ABCA12: variants seen among roughly 807,000 people sequenced by gnomAD.
ABCA12 encodes glucosylceramide transporter ABCA12.
Under a neutral mutation model 293.5 loss-of-function variants are expected in ABCA12, and 156 were observed. The observed-to-expected ratio is 0.53, with a 90% confidence interval of 0.47 to 0.61. The LOEUF (loss-of-function observed/expected upper bound fraction) is 0.61, where lower values mean the gene tolerates loss of function less well. Among genes scored for constraint, ABCA12 ranks in the 20% least tolerant of loss-of-function variants. ABCA12 has a pLI of 0.00. For synonymous variants in ABCA12, 1,063 were observed against 1,108.0 expected (o/e 0.96, Z 0.81); for missense variants, 2,797 against 3,090.2 (o/e 0.91, Z 2.25).
chr2:215,049,533 A>G, intron 6 of ABCA12, 93 bp downstream of exon 6: 2 of 1,279,876 alleles, frequency 1.6e-6, no homozygotes, highest in Non-Finnish European at 2.3e-6. Flanking sequence ...AGGTAAACAA[A>G]TATCCCAGTC....
At chr2:215,073,311 C>G (rs967674164) in intron 2 of ABCA12, among the ~76,000 whole-genome samples, 17 of 152,044 alleles carry the variant, frequency 1.1e-4, no homozygotes, top group Admixed American at 2.0e-4. Flanking sequence ...ACTATTTTTC[C>G]CCTCTAAATA....
At chr2:214,977,182 C>A (rs1286113411) in intron 33 of ABCA12, among the ~76,000 whole-genome samples, 1 of 152,164 alleles carries the variant, frequency 6.6e-6, no homozygotes, top group Non-Finnish European at 1.5e-5. Context: ...GGATGACTTA[C>A]AGGTGTATCA....
At chr2:214,992,512 T>C (rs1231926828) in intron 23 of ABCA12, among the ~76,000 whole-genome samples, 1 of 113,220 alleles carries the variant, frequency 8.8e-6, no homozygotes, top group Admixed American at 1.0e-4. Context: ...ATCAACCTAG[T>C]ATCCCCCCCC....
Position 215,025,653 on chromosome 2 carries a change from T to C in ABCA12, c.1287+20A>G, listed in dbSNP as rs772421663. 4 of 1,524,312 alleles carry C rather than the reference T, an allele frequency of 2.6e-6. No homozygotes were observed. Among genetic ancestry groups the C allele is most frequent in the African/African-American group, 1.4e-5 (1 of 71,392 alleles). 94.4% of individuals were successfully genotyped at this position (1,524,312 alleles called of 1,614,324 possible). On this transcript the variant is annotated intron_variant, in intron 11 of 52. Transcript: ENST00000272895. The stretch of plus-strand genomic sequence containing the variant: ...GTTTTTTTTTTTGTTTTTTGTTTTT[T>C]TTTTACTTTCATGGCTTACTTTTGA...
At chr2:215,037,131 A>G in intron 7 of ABCA12, 66 bp from the exon 8 acceptor site, 1 of 1,272,460 alleles carries the variant, frequency 7.9e-7, no homozygotes, top group Non-Finnish European at 1.1e-6. Context: ...ACAAAAGATT[A>G]TTCAAGGAGA....
chr2:215,092,729 C>A (rs1702172841), intron 2 of ABCA12, among the ~76,000 whole-genome samples: 1 of 152,268 alleles, frequency 6.6e-6, no homozygotes, highest in Admixed American at 6.5e-5. Flanking sequence ...GGATCTTCAC[C>A]TTATCAACCA....
In ABCA12 at chr2:215,026,303, T is replaced by C. The variant is rs181431436; in HGVS notation, c.1180+517A>G. On this transcript the variant is annotated intron_variant, in intron 10 of 52. Transcript: ENST00000272895. The stretch of plus-strand genomic sequence containing the variant: ...TCTTTTCTCTCAAAAAAAAGAAACA[T>C]TTGATTAAATATAATCTTTATGGTT... Among the ~76,000 whole-genome samples the C allele has an allele frequency of 3.9e-5, 6 of 152,308 alleles. No homozygotes were observed. In the East Asian group the frequency reaches 1.2e-3, roughly 29 times the overall value.
intron 1 of ABCA12, among the ~76,000 whole-genome samples, chr2:215,127,470 G>C (rs556112451): frequency 6.6e-6 from 1 of 152,086 alleles, no homozygotes; most frequent in African/African-American, 2.4e-5. Context: ...AAATTTGGGA[G>C]CTCCAGTGTT....
intron 11 of ABCA12, 64 bp from the exon 12 acceptor site, chr2:215,019,860 G>A: frequency 6.4e-7 from 1 of 1,568,298 alleles, no homozygotes; most frequent in East Asian, 2.2e-5. Flanking sequence ...TATAGTAGTT[G>A]ATAATAAGCA....
At chr2:215,103,740 C>A (rs1445642059) in intron 2 of ABCA12, among the ~76,000 whole-genome samples, 2 of 152,042 alleles carry the variant, frequency 1.3e-5, no homozygotes, top group Non-Finnish European at 2.9e-5. Context: ...ATAGCTCTTA[C>A]CATATAGCAG....
chr2:214,978,706 C>G (rs949717925), intron 32 of ABCA12, 98 bp downstream of exon 32: 24 of 1,364,250 alleles, frequency 1.8e-5, no homozygotes, highest in Middle Eastern at 2.2e-4. Context: ...ATTTTGTGAA[C>G]TATTTTAAAA....
rs1703217626 is a variant in ABCA12 at position 215,135,993 on chromosome 2, G to T, written c.69+2147C>A. Reference sequence around the variant, plus strand: ...TCCTTTTGCATCACCATCTTCTACAGGTCTCTCTTGTCCCTCTGGTTGGTT... The same window carrying T: ...TCCTTTTGCATCACCATCTTCTACATGTCTCTCTTGTCCCTCTGGTTGGTT... On this transcript the variant is annotated intron_variant, in intron 1 of 52. Transcript: ENST00000272895. 2.6e-5 allele frequency among the ~76,000 whole-genome samples: 4 copies of T among 152,098 alleles called. No homozygotes were observed. The South Asian group carries it at 8.3e-4, about 32-fold the overall frequency.
chr2:215,116,216 C>T (rs1171936065), intron 1 of ABCA12, among the ~76,000 whole-genome samples: 1 of 152,142 alleles, frequency 6.6e-6, no homozygotes, highest in Non-Finnish European at 1.5e-5. Context: ...TTTGTTTCTG[C>T]CTCATTGTGT....
In ABCA12 at chr2:214,974,789, G is replaced by C. The variant is rs1269551074; in HGVS notation, c.5457C>G (p.Asn1819Lys). Residue 1819 changes from asparagine (N) to lysine (K), a missense_variant, in exon 35 of 53, where the codon AAC (asparagine) becomes AAG (lysine). Physicochemically the swap from Asn to Lys is moderately conservative, Grantham distance 94. This residue lies in a region of ABCA12 where 2,130 missense variants were observed against 2,427.0 expected (regional missense o/e 0.88). Transcript: ENST00000272895. The stretch of plus-strand genomic sequence containing the variant: ...CAAGAACCACTTACAGATCACTGGT[G>C]TTCAGACACATGTTGTCAATTCCAG... ...DFPGIDNMCL[N>K]TSDLQCLNKD... 1.2e-6 allele frequency: 2 copies of C among 1,614,016 alleles called. No homozygotes were observed. The highest frequency in any genetic ancestry group is 1.7e-6 in the Non-Finnish European group (2 of 1,179,928).
chr2:215,119,128 G>A lies in ABCA12; in HGVS notation c.70-7438C>T, dbSNP rs1161224760. Among the ~76,000 whole-genome samples, 6 of 151,978 alleles carry A rather than the reference G, an allele frequency of 3.9e-5. 1 individual carries two copies. The highest frequency in any genetic ancestry group is 7.2e-5 in the African/African-American group (3 of 41,380). On this transcript the variant is annotated intron_variant, in intron 1 of 52. Transcript: ENST00000272895. The stretch of plus-strand genomic sequence containing the variant: ...TGGGATTACAGGCATGTGCCACCAC[G>A]CCTGGCTAAGTTTTGTATTTTTAGT...
intron 4 of ABCA12, among the ~76,000 whole-genome samples, chr2:215,053,744 T>A (rs1185536089): frequency 1.3e-5 from 2 of 152,170 alleles, no homozygotes; most frequent in East Asian, 3.9e-4. Flanking sequence ...AGAGCACCAA[T>A]CATATTTCAA....
Position 215,134,591 on chromosome 2 carries a change from C to A in ABCA12, c.69+3549G>T, listed in dbSNP as rs533012743. ...GTATATATATAATCTCTCTCTCTCTCTCTCTCTCTATATATATATATATAT... is the reference window on the plus strand; with the variant it reads ...GTATATATATAATCTCTCTCTCTCTATCTCTCTCTATATATATATATATAT... On this transcript the variant is annotated intron_variant, in intron 1 of 52. Transcript: ENST00000272895. 8.3e-4 allele frequency among the ~76,000 whole-genome samples: 67 copies of A among 80,682 alleles called. 3 individuals are homozygous for A. The highest frequency in any genetic ancestry group is 6.1e-3 in the African/African-American group (64 of 10,578). 52.9% of individuals were successfully genotyped at this position (80,682 alleles called of 152,430 possible). A position where few individuals can be genotyped will look rare whatever the true frequency, so the allele number is the denominator to read the frequency against.
At chr2:215,075,637 T>C (rs1047433246) in intron 2 of ABCA12, 1 of 672,154 alleles carries the variant, frequency 1.5e-6, no homozygotes. Context: ...GAGATGAGCA[T>C]GTTCAAGTAT....
chr2:215,100,439 T>G (rs1702334362), intron 2 of ABCA12, among the ~76,000 whole-genome samples: 1 of 152,204 alleles, frequency 6.6e-6, no homozygotes, highest in Admixed American at 6.5e-5. Flanking sequence ...CGCAGCCATC[T>G]TTTCCTTTTT....
Sources: gnomAD v4.1 joint callset for allele counts (sites outside exome capture counted in the v4.1 genomes callset) on GRCh38, gnomAD v4.1.1 for gene constraint, gnomAD v4.1.1 regional missense constraint, MANE v1.5 for transcripts, NCBI Gene and HGNC (gene_info 2026-07-23, HGNC 2026-07-21) for gene names.